CCSER1: variants seen among roughly 807,000 people sequenced by gnomAD.
The protein encoded by CCSER1 is coiled-coil serine rich protein 1, also known as serine-rich coiled-coil domain-containing protein 1.
Under a neutral mutation model 82.0 loss-of-function variants are expected in CCSER1, and 41 were observed. The observed-to-expected ratio is 0.50, with a 90% CI of 0.39 to 0.65. The LOEUF is 0.65. Ranked by LOEUF, CCSER1 falls within the 30% of genes least tolerant of loss-of-function variation. The pLI, the probability that CCSER1 is intolerant of heterozygous loss-of-function variation, is 0.00. For synonymous variants in CCSER1, 414 were observed against 383.9 expected (o/e 1.08, Z -0.92); for missense variants, 1,119 against 1,064.2 (o/e 1.05, Z -0.72).
chr4:90,271,826 T>TTATTTATATATATATATA (rs1726338480), intron 1 of CCSER1, among the ~76,000 whole-genome samples: 1 of 42,872 alleles, frequency 2.3e-5, no homozygotes, highest in Non-Finnish European at 4.2e-5. Context: ...ACTGGACAAT[T>TTATTTATATATATATATA]TATATATATA....
chr4:90,791,119 A>G (rs895350814), intron 7 of CCSER1, among the ~76,000 whole-genome samples: 4 of 152,184 alleles, frequency 2.6e-5, no homozygotes, highest in Non-Finnish European at 4.4e-5. Context: ...ATGAGTGTTG[A>G]GCGAAGGAGG....
At chr4:90,830,426 G>A (rs978520069) in intron 8 of CCSER1, among the ~76,000 whole-genome samples, 2 of 152,110 alleles carry the variant, frequency 1.3e-5, no homozygotes, top group African/African-American at 4.8e-5. Context: ...TTCAGTGTAA[G>A]GTTCCTTCAC....
chr4:91,394,602 G>A (rs1446379798), intron 10 of CCSER1, among the ~76,000 whole-genome samples: 4 of 151,978 alleles, frequency 2.6e-5, no homozygotes, highest in Non-Finnish European at 5.9e-5. Flanking sequence ...CTAGATCCCA[G>A]TTTTAGAAAA....
intron 9 of CCSER1, among the ~76,000 whole-genome samples, chr4:91,081,615 G>T (rs1187238500): frequency 1.3e-5 from 2 of 152,176 alleles, no homozygotes; most frequent in African/African-American, 4.8e-5. Context: ...AAAAGAGGAA[G>T]TCAAATTGTC....
chr4:91,385,748 T>C (rs1213386760), intron 10 of CCSER1, among the ~76,000 whole-genome samples: 1 of 151,914 alleles, frequency 6.6e-6, no homozygotes, highest in Non-Finnish European at 1.5e-5. Flanking sequence ...AGTAGTTTTC[T>C]TATTTTAGTG....
intron 1 of CCSER1, among the ~76,000 whole-genome samples, chr4:90,305,405 C>T (rs569674663): frequency 5.9e-5 from 9 of 152,120 alleles, no homozygotes; most frequent in Admixed American, 2.6e-4. Flanking sequence ...GAGCAAAATT[C>T]TTCAATAGGC....
chr4:90,649,759 C>T (rs915163650), intron 6 of CCSER1: 3 of 152,138 alleles, frequency 2.0e-5, no homozygotes, highest in African/African-American at 4.8e-5. Context: ...CTTTAGAAAT[C>T]ATATTTATAA....
intron 1 of CCSER1, among the ~76,000 whole-genome samples, chr4:90,187,861 G>A (rs543621617): frequency 1.4e-4 from 21 of 151,770 alleles, no homozygotes; most frequent in Non-Finnish European, 2.1e-4. Flanking sequence ...AGTTAATTTC[G>A]TCCTTTCTTT....
chr4:91,311,534 T>A (rs1482328560), intron 10 of CCSER1, among the ~76,000 whole-genome samples: 1 of 151,946 alleles, frequency 6.6e-6, no homozygotes, highest in African/African-American at 2.4e-5. Flanking sequence ...ATGCCTATTA[T>A]CTTTGTGCAA....
intron 6 of CCSER1, among the ~76,000 whole-genome samples, chr4:90,718,687 G>A (rs564828156): frequency 6.6e-6 from 1 of 152,178 alleles, no homozygotes; most frequent in Admixed American, 6.5e-5. Context: ...AGTTTTAAAA[G>A]CTCTGATAAA....
At chr4:90,912,794 G>A (rs1343240157) in intron 8 of CCSER1, among the ~76,000 whole-genome samples, 3 of 152,164 alleles carry the variant, frequency 2.0e-5, no homozygotes, top group Non-Finnish European at 2.9e-5. Context: ...AGTCCTTAAA[G>A]GACCTGATGG....
At chr4:91,044,536 T>C (rs1227040045) in intron 9 of CCSER1, among the ~76,000 whole-genome samples, 1 of 152,214 alleles carries the variant, frequency 6.6e-6, no homozygotes, top group Non-Finnish European at 1.5e-5. Flanking sequence ...AGCCTCATTT[T>C]GTGCAGACTG....
At chr4:91,376,442 A>G (rs140911198) in intron 10 of CCSER1, among the ~76,000 whole-genome samples, 116 of 152,296 alleles carry the variant, frequency 7.6e-4, no homozygotes, top group African/African-American at 2.7e-3. Context: ...ACAGTAAAAA[A>G]TATGGTTTTA....
chr4:90,502,420 G>A (rs1770033348), intron 5 of CCSER1, among the ~76,000 whole-genome samples: 6 of 152,224 alleles, frequency 3.9e-5, no homozygotes, highest in African/African-American at 1.2e-4. Flanking sequence ...CTCCCACCAG[G>A]TCCTTCCCTT....
chr4:91,031,035 G>T (rs1305589122), intron 9 of CCSER1, among the ~76,000 whole-genome samples: 3 of 152,018 alleles, frequency 2.0e-5, no homozygotes, highest in Non-Finnish European at 2.9e-5. Context: ...TTGCTTACAG[G>T]GAAAATGAGA....
At chr4:90,731,224 T>A (rs1744670865) in intron 7 of CCSER1, among the ~76,000 whole-genome samples, 1 of 152,204 alleles carries the variant, frequency 6.6e-6, no homozygotes, top group Non-Finnish European at 1.5e-5. Flanking sequence ...TGATACTAAT[T>A]TTTTAATGTT....
chr4:90,590,490 G>C (rs570574528), intron 5 of CCSER1, among the ~76,000 whole-genome samples: 7 of 151,864 alleles, frequency 4.6e-5, no homozygotes, highest in African/African-American at 7.3e-5. Flanking sequence ...TGAAGCAGGA[G>C]AATCACTTGA....
At chr4:91,251,196 A>G (rs1740230343) in intron 10 of CCSER1, among the ~76,000 whole-genome samples, 1 of 152,180 alleles carries the variant, frequency 6.6e-6, no homozygotes, top group South Asian at 2.1e-4. Context: ...TTTGGAGGCT[A>G]GAAGTCCAAG....
chr4:90,953,423 T>A (rs1403592454), intron 9 of CCSER1, among the ~76,000 whole-genome samples: 1 of 151,650 alleles, frequency 6.6e-6, no homozygotes, highest in Non-Finnish European at 1.5e-5. Context: ...ACTAGCAATG[T>A]TAATTCAGTA....
Sources: allele counts gnomAD v4.1 joint callset (sites outside exome capture counted in the v4.1 genomes callset), GRCh38; gene constraint gnomAD v4.1.1; transcripts MANE v1.5; gene names NCBI Gene and HGNC (gene_info 2026-07-23, HGNC 2026-07-21).